PCDH15: variants seen among roughly 807,000 people sequenced by gnomAD.
PCDH15 encodes protocadherin-15.
PCDH15 carries 129 observed loss-of-function variants against 178.5 expected under a neutral mutation model. That is an observed-to-expected ratio of 0.72 (90% confidence interval 0.63 to 0.84). The LOEUF (loss-of-function observed/expected upper bound fraction) is 0.84. Among genes scored for constraint, PCDH15 ranks in the 40% least tolerant of loss-of-function variants. The pLI is 0.00. For synonymous variants in PCDH15, 800 were observed against 732.0 expected (o/e 1.09, Z -1.50); for missense variants, 2,230 against 2,099.9 (o/e 1.06, Z -1.21).
At chr10:54,617,933 AAAAAG>A (rs1047684811) in intron 2 of PCDH15, among the ~76,000 whole-genome samples, 6 of 151,754 alleles carry the variant, frequency 4.0e-5, no homozygotes, top group Non-Finnish European at 5.9e-5. Context: ...AAAAAAAAAA[AAAAAG>A]AAGAAGAGTA....
upstream of PCDH15, among the ~76,000 whole-genome samples, chr10:55,320,989 T>C (rs1372990319): frequency 6.6e-6 from 1 of 151,898 alleles, no homozygotes; most frequent in East Asian, 1.9e-4. Flanking sequence ...TAAGAACACA[T>C]ATTATTGAAA....
intron 13 of PCDH15, among the ~76,000 whole-genome samples, chr10:54,172,414 T>A (rs2047009811): frequency 6.6e-6 from 1 of 152,074 alleles, no homozygotes; most frequent in South Asian, 2.1e-4. Context: ...CTGACTCTCT[T>A]TTCGGACTCA....
intron 23 of PCDH15, among the ~76,000 whole-genome samples, chr10:53,956,271 T>C (rs1348487318): frequency 6.6e-6 from 1 of 151,982 alleles, no homozygotes; most frequent in Non-Finnish European, 1.5e-5. Flanking sequence ...CCCTAGTTAA[T>C]AAGGAGAGGA....
rs371726802 is a variant in PCDH15 at position 54,591,280 on chromosome 10, T to C, written c.92-63403A>G. 1.8e-4 allele frequency among the ~76,000 whole-genome samples: 28 copies of C among 152,328 alleles called. No homozygotes were observed. The East Asian group carries it at 5.4e-3, about 29-fold the overall frequency. On this transcript the variant is annotated intron_variant, in intron 2 of 37. Transcript: ENST00000644397. ...GAAAAACTGTCCCAAATTATCTGGA[T>C]AGACCCAATCTCATCACATTAGTTT...
At chr10:53,947,749 A>G (rs1048204622) in intron 23 of PCDH15, among the ~76,000 whole-genome samples, 1 of 152,202 alleles carries the variant, frequency 6.6e-6, no homozygotes, top group African/African-American at 2.4e-5. Flanking sequence ...AAGACTAGAC[A>G]CTGCTTTTTA....
intron 2 of PCDH15, among the ~76,000 whole-genome samples, chr10:54,612,435 A>AT (rs1306086913): frequency 6.6e-6 from 1 of 151,816 alleles, no homozygotes; most frequent in Non-Finnish European, 1.5e-5. Context: ...TTAAACTTAA[A>AT]TAAGTGTTTT....
chr10:54,717,461 G>A (rs535269281), intron 1 of PCDH15, among the ~76,000 whole-genome samples: 2 of 145,616 alleles, frequency 1.4e-5, no homozygotes, highest in Non-Finnish European at 3.0e-5. Flanking sequence ...GACATGAACA[G>A]ACACTTCCCA....
rs60205554 is a variant in PCDH15 at position 54,386,100 on chromosome 10, T to TTGTGTG, written c.158-7164_158-7159dup. Among the ~76,000 whole-genome samples, 237 of 139,814 alleles carry TTGTGTG rather than the reference T, an allele frequency of 1.7e-3. 1 individual carries two copies. The highest frequency in any genetic ancestry group is 7.2e-3 in the Middle Eastern group (2 of 276). 91.7% of individuals were successfully genotyped at this position (139,814 alleles called of 152,430 possible). On this transcript the variant is annotated intron_variant, in intron 3 of 37. Transcript: ENST00000644397. ...CTACTTTGCTGAATTTAGTTATTAG[T>TTGTGTG]TGTGTGTGTGTGTGTGTGTGTGTGT...
rs182820750 is a variant in PCDH15 at position 54,167,950 on chromosome 10, C to A, written c.1591-14657G>T. ...CACTTTTCTGGAAGGTAAGAACCCC[C>A]GAACCCCTTCCCTCTGTTTCCCTAC... On this transcript the variant is annotated intron_variant, in intron 13 of 37. Transcript: ENST00000644397. Among the ~76,000 whole-genome samples, 112 of 151,612 alleles carry A rather than the reference C, an allele frequency of 7.4e-4. 1 individual carries two copies. Among genetic ancestry groups the A allele is most frequent in the Non-Finnish European group, 1.5e-3 (101 of 67,898 alleles).
Position 55,081,248 on chromosome 10 carries a change from T to C in PCDH15, c.-80+85328A>G, listed in dbSNP as rs1309706442. ...CAGTGTTCTCTTTTAGATGTTCTAG[T>C]TGACGTATGATTATCTCTTCACAGT... On this transcript the variant is annotated intron_variant, in intron 2 of 5. Coordinates refer to the PCDH15 transcript ENST00000458638. 2.6e-5 allele frequency among the ~76,000 whole-genome samples: 4 copies of C among 152,268 alleles called. No homozygotes were observed. In the East Asian group the frequency reaches 5.8e-4, roughly 22 times the overall value.
chr10:54,519,047 T>C (rs1355991691), intron 3 of PCDH15, among the ~76,000 whole-genome samples: 1 of 152,188 alleles, frequency 6.6e-6, no homozygotes, highest in Non-Finnish European at 1.5e-5. Flanking sequence ...AATTAGGTAT[T>C]GATGGGACTT....
chr10:55,027,415 T>C (rs985181314), intron 2 of PCDH15, among the ~76,000 whole-genome samples: 2 of 151,746 alleles, frequency 1.3e-5, no homozygotes, highest in South Asian at 2.1e-4. Flanking sequence ...ACTAAAAATA[T>C]ATCAGAGGTG....
intron 22 of PCDH15, among the ~76,000 whole-genome samples, chr10:53,960,744 T>C (rs1033801674): frequency 2.0e-5 from 3 of 152,188 alleles, no homozygotes; most frequent in Non-Finnish European, 2.9e-5. Flanking sequence ...AATGCTAATT[T>C]ACAAACTGAT....
intron 2 of PCDH15, among the ~76,000 whole-genome samples, chr10:55,149,329 A>T (rs966678587): frequency 3.3e-5 from 5 of 151,868 alleles, no homozygotes; most frequent in African/African-American, 1.2e-4. Flanking sequence ...CATTTTCTTT[A>T]TTCAATGAAA....
At chr10:54,384,538 T>C (rs1213621344) in intron 3 of PCDH15, among the ~76,000 whole-genome samples, 1 of 152,120 alleles carries the variant, frequency 6.6e-6, no homozygotes, top group Non-Finnish European at 1.5e-5. Flanking sequence ...TGATTAAGTG[T>C]CTTAAGAAAA....
intron 2 of PCDH15, among the ~76,000 whole-genome samples, chr10:55,110,505 T>C (rs2252882): frequency 0.017 from 2,586 of 152,196 alleles, 75 homozygotes; most frequent in African/African-American, 0.059. Flanking sequence ...TTGCAACCAG[T>C]TCTAATTCCA....
At chr10:55,122,203 C>T (rs1837789116) in intron 2 of PCDH15, among the ~76,000 whole-genome samples, 1 of 152,068 alleles carries the variant, frequency 6.6e-6, no homozygotes, top group South Asian at 2.1e-4. Flanking sequence ...GTGAGACTGG[C>T]CAATATGGTC....
intron 2 of PCDH15, among the ~76,000 whole-genome samples, chr10:55,451,144 T>A (rs1036256561): frequency 7.2e-5 from 11 of 152,072 alleles, no homozygotes; most frequent in Admixed American, 1.3e-4. Flanking sequence ...GAGCCCATGC[T>A]CTTTTCATTA....
intron 2 of PCDH15, among the ~76,000 whole-genome samples, chr10:54,648,796 T>C (rs1324784094): frequency 6.6e-6 from 1 of 152,208 alleles, no homozygotes; most frequent in African/African-American, 2.4e-5. Context: ...TATTAATATT[T>C]GTTTATAATG....
Sources: gnomAD v4.1 joint callset for allele counts (sites outside exome capture counted in the v4.1 genomes callset) on GRCh38, gnomAD v4.1.1 for gene constraint, MANE v1.5 for transcripts, NCBI Gene and HGNC (gene_info 2026-07-23, HGNC 2026-07-21) for gene names.